PRH1: variants seen among roughly 807,000 people sequenced by gnomAD.
PRH1 encodes proline rich protein HaeIII subfamily 1, also known as salivary acidic proline-rich phosphoprotein 1/2.
In PRH1, 7 loss-of-function variants were observed where a neutral mutation model predicts 7.9. The ratio of observed to expected loss-of-function variants is 0.89; its 90% confidence interval spans 0.50 to 1.67. PRH1 has a LOEUF of 1.67. Ranked by LOEUF, PRH1 falls within the 40% of genes most tolerant of loss-of-function variation. The probability of loss-of-function intolerance (pLI) is 0.00; values close to 1 mark genes in which losing one functional copy is unlikely to be tolerated. For missense variants in PRH1, 109 were observed against 223.6 expected (o/e 0.49, Z 3.27); for synonymous variants, 45 against 80.8 (o/e 0.56, Z 2.38).
intron 1 of PRH1, among the ~76,000 whole-genome samples, chr12:11,110,266 C>T (rs1047042601): frequency 6.6e-6 from 1 of 152,134 alleles, no homozygotes; most frequent in South Asian, 2.1e-4. Context: ...TCCAGGAGAA[C>T]TTACCCAACT....
At chr12:10,972,480 A>G (rs1213522640) in intron 2 of PRH1, among the ~76,000 whole-genome samples, 1 of 152,148 alleles carries the variant, frequency 6.6e-6, no homozygotes, top group East Asian at 1.9e-4. Flanking sequence ...CTATTCATAC[A>G]CTGTTCTTTC....
At position 10,882,495 on chromosome 12, in the gene PRH1, GC is replaced by G; in HGVS notation, c.303del (p.Gln101HisfsTer96). The G allele has an allele frequency of 4.1e-6, 6 of 1,478,436 alleles. No homozygotes were observed. Among genetic ancestry groups the G allele is most frequent in the South Asian group, 2.5e-5 (2 of 79,562 alleles). The allele number at this position is 1,478,436 out of a possible 1,614,324, so 91.6% of individuals were successfully genotyped here. On this transcript the variant is annotated frameshift_variant, in exon 3 of 4. Coordinates refer to ENST00000543626, the MANE Select transcript of PRH1 (RefSeq NM_001393989.1). LOFTEE classifies it low-confidence loss of function (END_TRUNC). Reference sequence around the variant, plus strand: ...CCCTGAGGAGGTGGTGGACCTTGTTGCTGCTGGCCTCCTTGTTGGGGTGGTC... The same window carrying G: ...CCCTGAGGAGGTGGTGGACCTTGTTGTGCTGGCCTCCTTGTTGGGGTGGTC... ...PQGPPQQGGQ[Q>X]QQGPPPPQGK...
chr12:10,908,702 G>T (rs1226627670), intron 2 of PRH1: 1 of 1,613,868 alleles, frequency 6.2e-7, no homozygotes. Context: ...AAATTAACAG[G>T]AGAAAAGAGA....
At chr12:10,909,615 C>G (rs765247180) in intron 2 of PRH1, 17 of 307,870 alleles carry the variant, frequency 5.5e-5, no homozygotes, top group Non-Finnish European at 1.0e-4. Context: ...TGCAACCATG[C>G]AAATAAAGAT....
chr12:11,164,592 T>C (rs1947517433), intron 1 of PRH1, among the ~76,000 whole-genome samples: 1 of 152,254 alleles, frequency 6.6e-6, no homozygotes, highest in African/African-American at 2.4e-5. Context: ...CCCCTACAAT[T>C]CTGGATTCCT....
intron 2 of PRH1, among the ~76,000 whole-genome samples, chr12:10,969,617 G>A (rs1258467037): frequency 2.6e-5 from 4 of 151,812 alleles, no homozygotes; most frequent in Non-Finnish European, 4.4e-5. Context: ...CCAGCAAATA[G>A]CACCTGCTCT....
In PRH1 at chr12:11,077,724, G is replaced by A. The variant is rs539884768; in HGVS notation, n.124-30536C>T. 1.5e-4 allele frequency: 177 copies of A among 1,210,132 alleles called. 10 individuals carry two copies. In the African/African-American group the frequency reaches 2.2e-3, roughly 15 times the overall value. 75.0% of individuals were successfully genotyped at this position (1,210,132 alleles called of 1,614,324 possible). A position where few individuals can be genotyped will look rare whatever the true frequency, so the allele number is the denominator to read the frequency against. On this transcript the variant is annotated intron_variant and non_coding_transcript_variant, in intron 1 of 4. Coordinates refer to the PRH1 transcript ENST00000541977. ...GTGTGCTTACAGTCAAGTTTGAAAG[G>A]TGTATTGCATTCCTCAATTTGATCT...
intron 1 of PRH1, among the ~76,000 whole-genome samples, chr12:11,167,938 T>G (rs1947630427): frequency 6.6e-6 from 1 of 151,746 alleles, no homozygotes; most frequent in Admixed American, 6.6e-5. Context: ...TTAAAAAATG[T>G]CTCAATTAAA....
chr12:11,006,352 C>G (rs2136030591), intron 1 of PRH1: 1 of 150,564 alleles, frequency 6.6e-6, no homozygotes, highest in East Asian at 2.0e-4. Context: ...GTGAAAACTT[C>G]CATTTCTTTT....
At chr12:11,171,123 A>T in intron 1 of PRH1, 1 of 391,532 alleles carries the variant, frequency 2.6e-6, no homozygotes, top group East Asian at 3.6e-5. Context: ...ACCTACCATC[A>T]GTTGAGCTCT....
intron 2 of PRH1, chr12:10,896,874 G>C (rs952915420): frequency 5.3e-5 from 8 of 151,734 alleles, no homozygotes; most frequent in African/African-American, 1.7e-4. Flanking sequence ...CTTAAATCTA[G>C]AATGGTTTGT....
chr12:10,976,195 A>G (rs1289923250), intron 1 of PRH1, among the ~76,000 whole-genome samples: 2 of 152,206 alleles, frequency 1.3e-5, no homozygotes, highest in African/African-American at 4.8e-5. Flanking sequence ...TAGCAAATAC[A>G]AAACAACAAA....
chr12:10,986,544 T>C lies in PRH1; in HGVS notation c.-125-12823A>G, dbSNP rs769267389. 1.7e-5 allele frequency: 27 copies of C among 1,614,016 alleles called. No individual in the cohort carries two copies. In the South Asian group the frequency reaches 3.0e-4, roughly 18 times the overall value. ...GGAGAAATTGGCAATCTTGAGCAAA[T>C]AAAATATGCTGAGGTTAGCAGCAAG... On this transcript the variant is annotated intron_variant, in intron 1 of 3. Transcript: ENST00000539853.
chr12:10,994,222 C>T lies in PRH1; in HGVS notation c.-125-20501G>A, dbSNP rs373687620. Among the ~76,000 whole-genome samples, 3 of 152,198 alleles carry T rather than the reference C, an allele frequency of 2.0e-5. No individual in the cohort carries two copies. In the East Asian group the frequency reaches 5.8e-4, roughly 29 times the overall value. ...TCCATTTGGGACTTGAATGGATCACCACATTGTGGGCATGAGGTCTGACTT... is the reference window on the plus strand; with the variant it reads ...TCCATTTGGGACTTGAATGGATCACTACATTGTGGGCATGAGGTCTGACTT... On this transcript the variant is annotated intron_variant, in intron 1 of 3. Transcript: ENST00000539853.
intron 1 of PRH1, among the ~76,000 whole-genome samples, chr12:11,001,271 T>C (rs1940581459): frequency 6.6e-6 from 1 of 152,030 alleles, no homozygotes; most frequent in Non-Finnish European, 1.5e-5. Flanking sequence ...AATAAATAAA[T>C]TATAGCACCT....
intron 1 of PRH1, chr12:11,031,407 G>A (rs951672712): frequency 5.2e-6 from 8 of 1,545,012 alleles, no homozygotes; most frequent in East Asian, 4.6e-5. Flanking sequence ...AGGTGGGTTC[G>A]TGGTCTCCCT....
At chr12:11,027,786 T>A (rs2900579) in intron 1 of PRH1, among the ~76,000 whole-genome samples, 1 of 152,218 alleles carries the variant, frequency 6.6e-6, no homozygotes, top group African/African-American at 2.4e-5. Flanking sequence ...ACAAGCCTGT[T>A]GGAGAGGGGA....
At chr12:10,930,697 C>T (rs144809253) in intron 2 of PRH1, 33 of 1,613,720 alleles carry the variant, frequency 2.0e-5, no homozygotes, top group African/African-American at 1.5e-4. Context: ...AGATGAGGAG[C>T]GTCAGGGACC....
chr12:11,152,280 A>C (rs1947123215), intron 1 of PRH1, among the ~76,000 whole-genome samples: 1 of 129,708 alleles, frequency 7.7e-6, no homozygotes, highest in Admixed American at 9.6e-5. Flanking sequence ...TATTATAAAT[A>C]AAATTTTAAA....
Sources: gnomAD v4.1 joint callset for allele counts (sites outside exome capture counted in the v4.1 genomes callset) on GRCh38, gnomAD v4.1.1 for gene constraint, MANE v1.5 for transcripts, NCBI Gene and HGNC (gene_info 2026-07-23, HGNC 2026-07-21) for gene names.